KALRN: variants seen among roughly 807,000 people sequenced by gnomAD.
KALRN encodes the protein kalirin.
In KALRN, 70 loss-of-function variants were observed where a neutral mutation model predicts 353.7. That is an observed-to-expected ratio of 0.20 (90% CI 0.16 to 0.24). KALRN has a LOEUF of 0.24. Among genes scored for constraint, KALRN ranks in the 10% least tolerant of loss-of-function variants. The pLI is 1.00. For synonymous variants in KALRN, 1,391 were observed against 1,434.8 expected (o/e 0.97, Z 0.69); for missense variants, 2,791 against 3,756.7 (o/e 0.74, Z 6.72).
At chr3:124,401,224 G>A (rs2090825920) in intron 13 of KALRN, among the ~76,000 whole-genome samples, 1 of 152,312 alleles carries the variant, frequency 6.6e-6, no homozygotes. Context: ...AAATTATGGA[G>A]CCAAGGGTGG....
chr3:124,365,950 T>C (rs2084636132), intron 10 of KALRN, among the ~76,000 whole-genome samples: 3 of 152,260 alleles, frequency 2.0e-5, no homozygotes, highest in Admixed American at 6.5e-5. Context: ...TTACTTCTGA[T>C]GGCTGAGGAA....
At chr3:124,133,409 C>T (rs1360164230) in intron 1 of KALRN, among the ~76,000 whole-genome samples, 3 of 152,180 alleles carry the variant, frequency 2.0e-5, no homozygotes, top group East Asian at 3.9e-4. Context: ...AAATTTAGAA[C>T]GACAGTCGAG....
chr3:124,686,099 G>A (rs2061545491), intron 51 of KALRN, among the ~76,000 whole-genome samples: 1 of 152,222 alleles, frequency 6.6e-6, no homozygotes, highest in Admixed American at 6.5e-5. Flanking sequence ...ATAAGAAGGA[G>A]GCAGGTATAA....
intron 33 of KALRN, among the ~76,000 whole-genome samples, chr3:124,532,352 C>T (rs532153214): frequency 2.6e-4 from 40 of 152,334 alleles, no homozygotes; most frequent in African/African-American, 9.4e-4. Context: ...CCAATGTAAA[C>T]CACATTCAGA....
chr3:124,489,366 G>A (rs2108393292), intron 29 of KALRN, among the ~76,000 whole-genome samples: 1 of 152,252 alleles, frequency 6.6e-6, no homozygotes, highest in South Asian at 2.1e-4. Flanking sequence ...TAAAGGAAAT[G>A]TGTATAGTCT....
chr3:124,103,871 G>A (rs13075912), intron 1 of KALRN, among the ~76,000 whole-genome samples: 90,902 of 151,954 alleles, frequency 0.6, 30,081 homozygotes, highest in Non-Finnish European at 0.75. Context: ...CAGGAGAATT[G>A]CTTGAACCTG....
intron 8 of KALRN, among the ~76,000 whole-genome samples, chr3:124,332,363 G>A (rs1049222201): frequency 6.6e-6 from 1 of 152,094 alleles, no homozygotes; most frequent in Non-Finnish European, 1.5e-5. Flanking sequence ...GAGGTGTGGA[G>A]ATGGAAGCAC....
At chr3:124,112,929 T>A (rs1243927607) in intron 1 of KALRN, among the ~76,000 whole-genome samples, 1 of 152,128 alleles carries the variant, frequency 6.6e-6, no homozygotes, top group African/African-American at 2.4e-5. Flanking sequence ...TAACTGCATG[T>A]CTCCTTTGAT....
intron 21 of KALRN, 176 bp from the exon 22 acceptor site, chr3:124,455,001 G>C: frequency 1.6e-6 from 1 of 617,086 alleles, no homozygotes; most frequent in Non-Finnish European, 2.8e-6. Flanking sequence ...TGGAGGCACA[G>C]AGGGTTTCAA....
intron 33 of KALRN, among the ~76,000 whole-genome samples, chr3:124,528,711 T>C (rs1276725834): frequency 6.6e-6 from 1 of 152,188 alleles, no homozygotes; most frequent in Non-Finnish European, 1.5e-5. Flanking sequence ...TTGCCATTGC[T>C]ATGTTGAAAA....
At chr3:124,530,114 T>A (rs911302353) in intron 33 of KALRN, among the ~76,000 whole-genome samples, 3 of 152,210 alleles carry the variant, frequency 2.0e-5, no homozygotes, top group Non-Finnish European at 2.9e-5. Context: ...TGGCATCTGA[T>A]GCCAATTCCC....
At chr3:124,489,669 A>G (rs1277161804) in intron 29 of KALRN, among the ~76,000 whole-genome samples, 1 of 152,128 alleles carries the variant, frequency 6.6e-6, no homozygotes, top group African/African-American at 2.4e-5. Context: ...CAGCTCCTCC[A>G]GTCTGTCCCT....
At chr3:124,243,924 T>C (rs1355288240) in intron 3 of KALRN, among the ~76,000 whole-genome samples, 4 of 152,208 alleles carry the variant, frequency 2.6e-5, no homozygotes, top group Non-Finnish European at 5.9e-5. Context: ...CTTTTGTCAC[T>C]TGTCCTTTAT....
At chr3:124,565,392 G>C (rs1190751422) in intron 34 of KALRN, among the ~76,000 whole-genome samples, 1 of 152,186 alleles carries the variant, frequency 6.6e-6, no homozygotes, top group Non-Finnish European at 1.5e-5. Context: ...CTAGCCAAGA[G>C]GAGAAGAGGG....
At chr3:124,404,666 T>G (rs879067959) in intron 13 of KALRN, among the ~76,000 whole-genome samples, 1 of 151,526 alleles carries the variant, frequency 6.6e-6, no homozygotes, top group African/African-American at 2.4e-5. Flanking sequence ...CTTTTTTTTT[T>G]TTTTGCACAG....
chr3:124,125,749 C>A (rs924048311), intron 1 of KALRN, among the ~76,000 whole-genome samples: 3 of 152,212 alleles, frequency 2.0e-5, no homozygotes, highest in Non-Finnish European at 2.9e-5. Flanking sequence ...TTCTTCTACT[C>A]CTTGCCTTTG....
chr3:124,047,544 G>A (rs1289587073), intron 1 of KALRN, among the ~76,000 whole-genome samples: 2 of 146,260 alleles, frequency 1.4e-5, no homozygotes, highest in Non-Finnish European at 3.0e-5. Flanking sequence ...CCAGGCTGGA[G>A]TGCAGTGGCG....
intron 1 of KALRN, among the ~76,000 whole-genome samples, chr3:124,086,952 T>C (rs2060860359): frequency 2.0e-5 from 3 of 152,358 alleles, no homozygotes; most frequent in South Asian, 2.1e-4. Context: ...CAGTATGTCT[T>C]GAAGATCTTT....
At chr3:124,064,850 G>A (rs1327199861) in intron 1 of KALRN, among the ~76,000 whole-genome samples, 1 of 152,086 alleles carries the variant, frequency 6.6e-6, no homozygotes, top group African/African-American at 2.4e-5. Flanking sequence ...TTCAGACAAG[G>A]ACAAGGACAA....
Sources: allele counts gnomAD v4.1 joint callset (sites outside exome capture counted in the v4.1 genomes callset), GRCh38; gene constraint gnomAD v4.1.1; transcripts MANE v1.5; gene names NCBI Gene and HGNC (gene_info 2026-07-23, HGNC 2026-07-21).